Variants in NRP1 observed in about 807,000 individuals in gnomAD.
NRP1 encodes the protein neuropilin-1.
A neutral mutation model predicts 106.7 loss-of-function variants in NRP1; 35 were observed. That is an observed-to-expected ratio of 0.33 (90% CI 0.25 to 0.43). The LOEUF is 0.43. NRP1 is among the 20% of genes least tolerant of loss of function. The pLI is 1.00. For missense variants in NRP1, 1,024 were observed against 1,170.4 expected (o/e 0.87, Z 1.83); for synonymous variants, 437 against 417.9 (o/e 1.05, Z -0.56).
At chr10:33,321,794 T>C (rs1236419024) in intron 2 of NRP1, among the ~76,000 whole-genome samples, 1 of 152,128 alleles carries the variant, frequency 6.6e-6, no homozygotes, top group Non-Finnish European at 1.5e-5. Context: ...TATGAGAACT[T>C]GAATTGAGAG....
chr10:33,226,359 G>T (rs1167740876), intron 6 of NRP1, 70 bp from the exon 7 acceptor site: 12 of 1,553,774 alleles, frequency 7.7e-6, no homozygotes, highest in Non-Finnish European at 1.1e-5. Flanking sequence ...ATCTTTTCCT[G>T]TGGGCTCCAC....
intron 4 of NRP1, among the ~76,000 whole-genome samples, chr10:33,261,107 A>C (rs975743188): frequency 6.6e-5 from 10 of 152,188 alleles, no homozygotes; most frequent in African/African-American, 2.4e-4. Flanking sequence ...ATATACAAAC[A>C]CATCTTCATA....
intron 1 of NRP1, among the ~76,000 whole-genome samples, chr10:33,332,529 G>C (rs1289137171): frequency 6.6e-6 from 1 of 152,116 alleles, no homozygotes; most frequent in Non-Finnish European, 1.5e-5. Flanking sequence ...AGGTGGACTT[G>C]GTACCACACC....
At chr10:33,289,841 A>G (rs755442415) in intron 2 of NRP1, among the ~76,000 whole-genome samples, 3 of 152,196 alleles carry the variant, frequency 2.0e-5, no homozygotes, top group Non-Finnish European at 4.4e-5. Flanking sequence ...TCTTTTCTTT[A>G]GTGCCTGAAA....
intron 2 of NRP1, among the ~76,000 whole-genome samples, chr10:33,323,884 G>A (rs1389548076): frequency 6.6e-6 from 1 of 152,178 alleles, no homozygotes; most frequent in Non-Finnish European, 1.5e-5. Context: ...TGGAAAGAAA[G>A]GAGCTGAGAA....
chr10:33,249,351 G>A, intron 6 of NRP1: 1 of 428,102 alleles, frequency 2.3e-6, no homozygotes, highest in Non-Finnish European at 4.6e-6. Context: ...GAAATGAAAA[G>A]GAAAAACTGA....
intron 2 of NRP1, among the ~76,000 whole-genome samples, chr10:33,280,479 C>T (rs1844039528): frequency 6.6e-6 from 1 of 152,082 alleles, no homozygotes; most frequent in Non-Finnish European, 1.5e-5. Flanking sequence ...GTTCACCTCC[C>T]TATTTCATAG....
At chr10:33,246,664 T>G (rs1303792037) in intron 6 of NRP1, among the ~76,000 whole-genome samples, 5 of 152,244 alleles carry the variant, frequency 3.3e-5, no homozygotes, top group African/African-American at 1.2e-4. Context: ...TCCCTAGTTT[T>G]GCCAACACTG....
Position 33,180,263 on chromosome 10 carries a change from A to G in NRP1, c.2585T>C (p.Ile862Thr). The change falls in exon 17 of 17, where the codon ATA becomes ACA. Residue 862 changes from isoleucine to threonine, a missense_variant. This residue lies in a region of NRP1 where 164 missense variants were observed against 161.4 expected (regional missense o/e 1.02). Transcript: ENST00000374867. Reference protein sequence around the residue: ...KTLDPILITIIAMSALGVLLG... With the variant: ...KTLDPILITITAMSALGVLLG... ...GAGGACCCCCAGGGCACTCATGGCT[A>G]TGATGGTGATGAGGATGGGGTCTAA... 1 of 1,614,106 alleles carries G rather than the reference A, an allele frequency of 6.2e-7. No homozygotes were observed. Among genetic ancestry groups the G allele is most frequent in the Non-Finnish European group, 8.5e-7 (1 of 1,180,014 alleles).
At chr10:33,274,294 T>A (rs1305569547) in intron 2 of NRP1, among the ~76,000 whole-genome samples, 1 of 152,172 alleles carries the variant, frequency 6.6e-6, no homozygotes, top group African/African-American at 2.4e-5. Flanking sequence ...AGACTCCTCA[T>A]CCTATCTACG....
chr10:33,305,612 T>C (rs994278427), intron 2 of NRP1, among the ~76,000 whole-genome samples: 4 of 152,154 alleles, frequency 2.6e-5, no homozygotes, highest in African/African-American at 7.2e-5. Flanking sequence ...CCACTTTCTC[T>C]ACCCATCAAC....
chr10:33,261,862 G>A (rs1842596826), intron 4 of NRP1, among the ~76,000 whole-genome samples: 1 of 152,002 alleles, frequency 6.6e-6, no homozygotes, highest in Non-Finnish European at 1.5e-5. Context: ...TCAGCCTCCT[G>A]AGTAGCTGAA....
At chr10:33,203,516 A>G (rs887015189) in intron 10 of NRP1, among the ~76,000 whole-genome samples, 60 of 152,064 alleles carry the variant, frequency 3.9e-4, no homozygotes, top group Non-Finnish European at 7.2e-4. Context: ...AAAACAAAAA[A>G]ACTAAAAAAA....
chr10:33,286,464 G>A (rs1844555829), intron 2 of NRP1, among the ~76,000 whole-genome samples: 1 of 152,068 alleles, frequency 6.6e-6, no homozygotes, highest in African/African-American at 2.4e-5. Flanking sequence ...TCTAGAGGTA[G>A]AGTCTTGTGA....
intron 6 of NRP1, among the ~76,000 whole-genome samples, chr10:33,234,582 G>C (rs115773711): frequency 2.6e-4 from 39 of 152,206 alleles, no homozygotes; most frequent in African/African-American, 9.4e-4. Context: ...TATTCATGCT[G>C]TCGAAAAACA....
intron 11 of NRP1, chr10:33,202,124 A>T (rs1837362424): frequency 6.6e-6 from 1 of 152,344 alleles, no homozygotes; most frequent in Admixed American, 6.5e-5. Flanking sequence ...CCCAGGGAGC[A>T]GTAAAAGTCC....
intron 6 of NRP1, among the ~76,000 whole-genome samples, chr10:33,238,860 T>C (rs1403004767): frequency 6.6e-6 from 1 of 152,010 alleles, no homozygotes; most frequent in Non-Finnish European, 1.5e-5. Flanking sequence ...GAATGTGACC[T>C]AATATTTTTT....
intron 16 of NRP1, 115 bp downstream of exon 16, chr10:33,182,583 T>A (rs891945987): frequency 1.4e-6 from 1 of 739,662 alleles, no homozygotes; most frequent in Admixed American, 2.4e-5. Flanking sequence ...GCATAGATGT[T>A]TTTTATTTGA....
chr10:33,244,102 A>C (rs1394033661), intron 6 of NRP1, among the ~76,000 whole-genome samples: 1 of 152,142 alleles, frequency 6.6e-6, no homozygotes, highest in Non-Finnish European at 1.5e-5. Flanking sequence ...CAAAATCCTC[A>C]TCCACACCAG....
Sources: gnomAD v4.1 joint callset for allele counts (sites outside exome capture counted in the v4.1 genomes callset) on GRCh38, gnomAD v4.1.1 for gene constraint, gnomAD v4.1.1 regional missense constraint, MANE v1.5 for transcripts, NCBI Gene and HGNC (gene_info 2026-07-23, HGNC 2026-07-21) for gene names.